The following ZNF438 variants were observed in gnomAD, a reference collection of about 807,000 sequenced individuals.
The protein encoded by ZNF438 is zinc finger protein 438.
A neutral mutation model predicts 38.0 loss-of-function variants in ZNF438; 25 were observed. The observed-to-expected ratio is 0.66, with a 90% CI of 0.48 to 0.92. The LOEUF (loss-of-function observed/expected upper bound fraction) is 0.92, where lower values mean the gene tolerates loss of function less well. Among genes scored for constraint, ZNF438 ranks in the 40% least tolerant of loss-of-function variants. ZNF438 has a pLI of 0.00. For synonymous variants in ZNF438, 372 were observed against 364.1 expected (o/e 1.02, Z -0.25); for missense variants, 1,007 against 999.6 (o/e 1.01, Z -0.10).
At chr10:30,858,069 C>A (rs1363322657) in intron 4 of ZNF438, among the ~76,000 whole-genome samples, 1 of 152,208 alleles carries the variant, frequency 6.6e-6, no homozygotes, top group Non-Finnish European at 1.5e-5. Context: ...CTGGGGCCCA[C>A]AGGCCTACTG....
intron 1 of ZNF438, among the ~76,000 whole-genome samples, chr10:30,992,802 T>C (rs1462959182): frequency 3.9e-5 from 6 of 152,090 alleles, no homozygotes; most frequent in Non-Finnish European, 7.4e-5. Flanking sequence ...CAGATGGAAA[T>C]GAGGAGCAAG....
chr10:30,890,067 T>C (rs2040479792), intron 3 of ZNF438, among the ~76,000 whole-genome samples: 1 of 146,592 alleles, frequency 6.8e-6, no homozygotes, highest in African/African-American at 2.6e-5. Flanking sequence ...AAAGGTTTTA[T>C]TATCTTTGGC....
intron 1 of ZNF438, among the ~76,000 whole-genome samples, chr10:30,944,603 C>T (rs2047170063): frequency 6.6e-6 from 1 of 152,118 alleles, no homozygotes; most frequent in Non-Finnish European, 1.5e-5. Context: ...TGACGAATGC[C>T]ACTAGAGGTG....
intron 1 of ZNF438, among the ~76,000 whole-genome samples, chr10:30,952,528 C>G (rs2048335143): frequency 6.7e-6 from 1 of 149,386 alleles, no homozygotes; most frequent in South Asian, 2.1e-4. Flanking sequence ...TATCCAGAAT[C>G]TACAATAAAC....
intron 4 of ZNF438, among the ~76,000 whole-genome samples, chr10:30,873,297 G>A (rs189365760): frequency 6.8e-4 from 103 of 152,258 alleles, no homozygotes; most frequent in African/African-American, 2.2e-3. Flanking sequence ...AGGAATAACG[G>A]TGACACTAGT....
chr10:31,027,148 G>A (rs780850306), intron 1 of ZNF438, among the ~76,000 whole-genome samples: 2 of 151,850 alleles, frequency 1.3e-5, no homozygotes, highest in Admixed American at 1.3e-4. Flanking sequence ...TGTAAATGAC[G>A]AGTTAATGGG....
At chr10:30,991,889 G>A (rs980464868) in intron 1 of ZNF438, among the ~76,000 whole-genome samples, 2 of 152,168 alleles carry the variant, frequency 1.3e-5, no homozygotes, top group African/African-American at 2.4e-5. Context: ...TCACTCGGGG[G>A]CTGAAGTATA....
intron 2 of ZNF438, among the ~76,000 whole-genome samples, chr10:30,939,886 G>C (rs1218927251): frequency 6.6e-6 from 1 of 152,168 alleles, no homozygotes; most frequent in East Asian, 1.9e-4. Context: ...AAATAGTCTT[G>C]GGAGGGCTGG....
chr10:30,926,341 T>C (rs1404646140), intron 2 of ZNF438, among the ~76,000 whole-genome samples: 2 of 152,194 alleles, frequency 1.3e-5, no homozygotes, highest in Non-Finnish European at 2.9e-5. Flanking sequence ...ACCAAGTCCA[T>C]GTCTATGGAG....
chr10:30,970,196 GAGGTGAT>G (rs770991007), intron 1 of ZNF438, among the ~76,000 whole-genome samples: 1 of 151,602 alleles, frequency 6.6e-6, no homozygotes, highest in Non-Finnish European at 1.5e-5. Context: ...AATGTTAAAA[GAGGTGAT>G]AGGTCCTCTT....
chr10:30,974,600 C>T (rs943045488), intron 1 of ZNF438, among the ~76,000 whole-genome samples: 8 of 152,172 alleles, frequency 5.3e-5, no homozygotes, highest in Non-Finnish European at 4.4e-5. Flanking sequence ...TTACCTAATA[C>T]GAAGTCAGAA....
chr10:30,989,219 C>T (rs1263101081), intron 1 of ZNF438, among the ~76,000 whole-genome samples: 1 of 152,140 alleles, frequency 6.6e-6, no homozygotes, highest in East Asian at 1.9e-4. Context: ...TTAAAATAAA[C>T]TCTATATCTT....
At chr10:30,988,296 A>G (rs1369343411) in intron 1 of ZNF438, among the ~76,000 whole-genome samples, 1 of 152,148 alleles carries the variant, frequency 6.6e-6, no homozygotes, top group Non-Finnish European at 1.5e-5. Context: ...AGAAAACAGT[A>G]ACTTGAAAAA....
Position 30,943,053 on chromosome 10 carries a change from A to G in ZNF438, c.-191-1402T>C, listed in dbSNP as rs750647904. 3.9e-5 allele frequency among the ~76,000 whole-genome samples: 6 copies of G among 152,362 alleles called. No individual in the cohort carries two copies. In the South Asian group the frequency reaches 8.3e-4, roughly 21 times the overall value. Reference sequence around the variant, plus strand: ...TTAACCAATAAATTTTAGTCTTCTAAGAAGTCTGGTATACTTTGAAAGTGA... The same window carrying G: ...TTAACCAATAAATTTTAGTCTTCTAGGAAGTCTGGTATACTTTGAAAGTGA... On this transcript the variant is annotated intron_variant, in intron 1 of 5. Coordinates refer to ENST00000413025, the Ensembl canonical transcript of ZNF438.
Position 30,988,835 on chromosome 10 carries a change from G to A in ZNF438, c.-192+42998C>T, listed in dbSNP as rs528438029. ...ATAAACAGTTAACCTAGATGTGACAGTTAATTTTATGAGTCACTTTGGATA... is the reference window on the plus strand; with the variant it reads ...ATAAACAGTTAACCTAGATGTGACAATTAATTTTATGAGTCACTTTGGATA... On this transcript the variant is annotated intron_variant, in intron 1 of 5. Transcript: ENST00000413025. 1.2e-3 allele frequency among the ~76,000 whole-genome samples: 177 copies of A among 152,210 alleles called. 1 individual carries two copies. Among genetic ancestry groups the A allele is most frequent in the Middle Eastern group, 0.01 (3 of 294 alleles).
chr10:30,850,748 T>C (rs536933066), intron 4 of ZNF438, among the ~76,000 whole-genome samples: 7 of 152,228 alleles, frequency 4.6e-5, no homozygotes, highest in Non-Finnish European at 1.0e-4. Context: ...TGATGTCTGG[T>C]ATGTTCTGCT....
intron 4 of ZNF438, among the ~76,000 whole-genome samples, chr10:30,870,571 G>A (rs1281575045): frequency 6.6e-6 from 1 of 152,170 alleles, no homozygotes; most frequent in Non-Finnish European, 1.5e-5. Flanking sequence ...TTGTATTAGA[G>A]AAGCTTTGTT....
At chr10:30,860,235 T>C (rs870165) in intron 4 of ZNF438, among the ~76,000 whole-genome samples, 58,219 of 152,044 alleles carry the variant, frequency 0.38, 11,447 homozygotes, top group Admixed American at 0.41. Context: ...GAGAGGTCAA[T>C]AGCAATCCAA....
chr10:31,018,743 A>T (rs1316944121), intron 1 of ZNF438, among the ~76,000 whole-genome samples: 2 of 152,280 alleles, frequency 1.3e-5, no homozygotes, highest in Middle Eastern at 3.4e-3. Context: ...GGCCAGGGAG[A>T]AGATGAAGAG....
Sources: allele counts gnomAD v4.1 joint callset (sites outside exome capture counted in the v4.1 genomes callset), GRCh38; gene constraint gnomAD v4.1.1; transcripts MANE v1.5; gene names NCBI Gene and HGNC (gene_info 2026-07-23, HGNC 2026-07-21).